PTPRD: variants seen among roughly 807,000 people sequenced by gnomAD.
The protein encoded by PTPRD is protein tyrosine phosphatase receptor type D.
PTPRD carries 34 observed loss-of-function variants against 214.5 expected under a neutral mutation model. The observed-to-expected ratio is 0.16, with a 90% CI of 0.12 to 0.21. The LOEUF is 0.21. PTPRD is among the 10% of genes least tolerant of loss of function. The pLI, the probability that PTPRD is intolerant of heterozygous loss-of-function variation, is 1.00. For missense variants in PTPRD, 2,545 were observed against 2,398.7 expected (o/e 1.06, Z -1.27); for synonymous variants, 1,128 against 845.7 (o/e 1.33, Z -5.79).
At chr9:10,092,785 C>T (rs899699640) in intron 3 of PTPRD, among the ~76,000 whole-genome samples, 3 of 151,278 alleles carry the variant, frequency 2.0e-5, no homozygotes, top group African/African-American at 7.3e-5. Flanking sequence ...CTAGAGAGCC[C>T]AGCAATAAAG....
At chr9:9,306,099 T>C (rs957611483) in intron 9 of PTPRD, among the ~76,000 whole-genome samples, 5 of 152,098 alleles carry the variant, frequency 3.3e-5, no homozygotes, top group Non-Finnish European at 7.4e-5. Flanking sequence ...CCAGGAAATA[T>C]GAAGATAAGA....
intron 10 of PTPRD, among the ~76,000 whole-genome samples, chr9:9,057,233 A>G (rs1448017157): frequency 1.3e-5 from 2 of 152,166 alleles, no homozygotes; most frequent in Admixed American, 6.6e-5. Context: ...TCAAAAGATT[A>G]CTCTGCCACA....
chr9:8,478,828 T>A (rs2096821680), intron 30 of PTPRD, among the ~76,000 whole-genome samples: 1 of 152,132 alleles, frequency 6.6e-6, no homozygotes, highest in Non-Finnish European at 1.5e-5. Context: ...TAATTAGAAA[T>A]CATTAGACAC....
chr9:8,524,872 A>T, intron 18 of PTPRD, 53 bp downstream of exon 18: 2 of 1,494,028 alleles, frequency 1.3e-6, no homozygotes, highest in Non-Finnish European at 1.9e-6. Flanking sequence ...GCGGCGTCTC[A>T]ACTCCCCCTG....
At chr9:9,427,685 G>A (rs1272991017) in intron 8 of PTPRD, among the ~76,000 whole-genome samples, 1 of 152,134 alleles carries the variant, frequency 6.6e-6, no homozygotes, top group African/African-American at 2.4e-5. Flanking sequence ...ACCCACAAAG[G>A]GAAGCCCATC....
chr9:9,081,397 G>C (rs1314264715), intron 10 of PTPRD, among the ~76,000 whole-genome samples: 1 of 152,060 alleles, frequency 6.6e-6, no homozygotes, highest in African/African-American at 2.4e-5. Flanking sequence ...CATTTGCTGA[G>C]GAGTGTTTTA....
rs531942778 is a variant in PTPRD at position 9,703,277 on chromosome 9, G to A, written c.-287+31256C>T. Among the ~76,000 whole-genome samples the A allele has an allele frequency of 1.9e-3, 291 of 152,242 alleles. 1 individual carries two copies. The highest frequency in any genetic ancestry group is 5.2e-3 in the South Asian group (25 of 4,820). Reference sequence around the variant, plus strand: ...GGCCTTCCTAGCCATGCTGAACTGTGAGTCAATTAAACTCTTTCCATTATA... The same window carrying A: ...GGCCTTCCTAGCCATGCTGAACTGTAAGTCAATTAAACTCTTTCCATTATA... On this transcript the variant is annotated intron_variant, in intron 7 of 45. Transcript: ENST00000381196.
intron 12 of PTPRD, among the ~76,000 whole-genome samples, chr9:8,665,252 C>T (rs986313998): frequency 1.4e-4 from 22 of 152,132 alleles, no homozygotes; most frequent in African/African-American, 4.3e-4. Flanking sequence ...TGTGTCCCCA[C>T]GAAAATGCAG....
intron 10 of PTPRD, among the ~76,000 whole-genome samples, chr9:9,110,338 T>C (rs2099804306): frequency 6.6e-6 from 1 of 152,084 alleles, no homozygotes; most frequent in East Asian, 1.9e-4. Context: ...ATTATAGATA[T>C]GCAAATTCTT....
intron 2 of PTPRD, among the ~76,000 whole-genome samples, chr9:10,585,693 G>A (rs1331832311): frequency 2.8e-5 from 4 of 144,510 alleles, no homozygotes; most frequent in Non-Finnish European, 6.0e-5. Context: ...AGGAGCATTA[G>A]AGAAATAGTA....
chr9:9,379,516 T>G (rs2061612699), intron 9 of PTPRD, among the ~76,000 whole-genome samples: 2 of 151,932 alleles, frequency 1.3e-5, no homozygotes, highest in Non-Finnish European at 2.9e-5. Flanking sequence ...TGTTTGCCAT[T>G]CTGGATATTA....
chr9:9,736,507 G>A (rs936970948), intron 6 of PTPRD, among the ~76,000 whole-genome samples: 4 of 152,022 alleles, frequency 2.6e-5, no homozygotes, highest in Admixed American at 2.6e-4. Flanking sequence ...CCTTTGTTAA[G>A]AGTGACATTA....
intron 11 of PTPRD, among the ~76,000 whole-genome samples, chr9:8,838,808 T>A (rs1323124734): frequency 6.6e-6 from 1 of 151,838 alleles, no homozygotes; most frequent in Non-Finnish European, 1.5e-5. Context: ...GAAGAATGGA[T>A]ATAAAACAGT....
intron 2 of PTPRD, among the ~76,000 whole-genome samples, chr9:10,386,778 C>A (rs1332022732): frequency 6.6e-5 from 10 of 151,678 alleles, no homozygotes; most frequent in Admixed American, 4.6e-4. Flanking sequence ...AATGGATCCC[C>A]AAAAATAGCC....
chr9:8,353,193 G>A (rs1490903850), intron 39 of PTPRD, among the ~76,000 whole-genome samples: 2 of 152,102 alleles, frequency 1.3e-5, no homozygotes, highest in Non-Finnish European at 2.9e-5. Flanking sequence ...TAAATCTGTG[G>A]TTCCTTGTTT....
At chr9:9,313,316 A>G (rs1411230752) in intron 9 of PTPRD, among the ~76,000 whole-genome samples, 26 of 152,164 alleles carry the variant, frequency 1.7e-4, no homozygotes, top group Non-Finnish European at 2.9e-5. Context: ...GGACCAGTTA[A>G]GAGTTAGAGG....
At chr9:8,376,122 T>G in intron 38 of PTPRD, 32 bp from the exon 39 acceptor site, 1 of 1,609,354 alleles carries the variant, frequency 6.2e-7, no homozygotes, top group Non-Finnish European at 8.5e-7. Flanking sequence ...TGAAATTCTG[T>G]TTTCCAAGCC....
intron 3 of PTPRD, among the ~76,000 whole-genome samples, chr9:10,082,439 G>A (rs1567563230): frequency 6.6e-6 from 1 of 152,050 alleles, no homozygotes; most frequent in African/African-American, 2.4e-5. Flanking sequence ...TATGCTGTAG[G>A]ATGTGGATGT....
At chr9:8,542,460 G>A (rs1034078352) in intron 14 of PTPRD, among the ~76,000 whole-genome samples, 10 of 152,196 alleles carry the variant, frequency 6.6e-5, no homozygotes, top group African/African-American at 2.4e-4. Flanking sequence ...TTTTACAAGG[G>A]TTGGTAATAT....
Sources: gnomAD v4.1 joint callset for allele counts (sites outside exome capture counted in the v4.1 genomes callset) on GRCh38, gnomAD v4.1.1 for gene constraint, MANE v1.5 for transcripts, NCBI Gene and HGNC (gene_info 2026-07-23, HGNC 2026-07-21) for gene names.